RBFOX1: variants seen among roughly 807,000 people sequenced by gnomAD.
RBFOX1 encodes RNA binding fox-1 homolog 1, also known as RNA binding protein fox-1 homolog 1.
In RBFOX1, 8 loss-of-function variants were observed where a neutral mutation model predicts 57.7. The observed-to-expected ratio is 0.14, with a 90% CI of 0.08 to 0.25. The LOEUF (loss-of-function observed/expected upper bound fraction) is 0.25, where lower values mean the gene tolerates loss of function less well. Ranked by LOEUF, RBFOX1 falls within the 10% of genes least tolerant of loss-of-function variation. The pLI, the probability that RBFOX1 is intolerant of heterozygous loss-of-function variation, is 1.00. For missense variants in RBFOX1, 611 were observed against 548.5 expected, an observed-to-expected ratio of 1.11 and a Z score of -1.14; for synonymous variants, 326 against 222.4, an observed-to-expected ratio of 1.47 and a Z score of -4.15.
intron 3 of RBFOX1, among the ~76,000 whole-genome samples, chr16:6,982,993 TAAAAAAAAAAA>T (rs370173635): frequency 6.3e-5 from 5 of 79,360 alleles, no homozygotes; most frequent in East Asian, 3.9e-4. Context: ...AGACTCTGTC[TAAAAAAAAAAA>T]AAAAAAAAAA....
intron 1 of RBFOX1, among the ~76,000 whole-genome samples, chr16:5,282,626 G>A (rs2063299968): frequency 6.6e-6 from 1 of 152,180 alleles, no homozygotes; most frequent in African/African-American, 2.4e-5. Flanking sequence ...GTGGCATTTT[G>A]CCCCTGCTGT....
rs77006837 is a variant in RBFOX1, at chr16:6,800,525, C to G, written c.-16+145875C>G. ...ATAGGCTTCCAGGTGATTCAAAAGC[C>G]GCCCTTCCGTGCACGCTACACTTTA... On this transcript the variant is annotated intron_variant, in intron 3 of 15. Coordinates refer to ENST00000550418, the MANE Select transcript of RBFOX1 (RefSeq NM_018723.4). Among the ~76,000 whole-genome samples, 207 of 152,104 alleles carry G rather than the reference C, an allele frequency of 1.4e-3. 1 individual carries two copies. Among genetic ancestry groups the G allele is most frequent in the African/African-American group, 4.7e-3 (194 of 41,504 alleles).
chr16:7,165,419 C>CATT lies in RBFOX1; in HGVS notation c.27+113337_27+113339dup, dbSNP rs35907316. Among the ~76,000 whole-genome samples, 196 of 48,398 alleles carry CATT rather than the reference C, an allele frequency of 4.0e-3. 9 individuals are homozygous for CATT. In the East Asian group the frequency reaches 0.077, roughly 19 times the overall value. The allele number at this position is 48,398 out of a possible 152,430, so 31.8% of individuals were successfully genotyped here. A position where few individuals can be genotyped will look rare whatever the true frequency, so the allele number is the denominator to read the frequency against. ...TAATAATAATAATAATGATAATAAT[C>CATT]ATTATTATTATTATTATTTTACCAT... is the stretch of plus-strand genomic sequence containing the variant. On this transcript the variant is annotated intron_variant, in intron 4 of 15. Transcript: ENST00000550418.
At chr16:5,551,139 A>C (rs1039412192) in intron 2 of RBFOX1, among the ~76,000 whole-genome samples, 1 of 152,016 alleles carries the variant, frequency 6.6e-6, no homozygotes, top group Non-Finnish European at 1.5e-5. Context: ...TAACCTCTTG[A>C]GAGTTGAGGT....
intron 1 of RBFOX1, among the ~76,000 whole-genome samples, chr16:5,316,158 C>T (rs192051127): frequency 6.6e-6 from 1 of 152,350 alleles, no homozygotes; most frequent in East Asian, 1.9e-4. Flanking sequence ...TCCCACTTTT[C>T]CTCCTTTACC....
chr16:7,142,007 T>C (rs978882944), intron 4 of RBFOX1, among the ~76,000 whole-genome samples: 5 of 126,834 alleles, frequency 3.9e-5, no homozygotes, highest in African/African-American at 1.0e-4. Flanking sequence ...TCTTCCTCCT[T>C]CTTCTTCCTT....
intron 4 of RBFOX1, among the ~76,000 whole-genome samples, chr16:5,914,697 C>A (rs1171564310): frequency 6.6e-6 from 1 of 152,102 alleles, no homozygotes; most frequent in South Asian, 2.1e-4. Flanking sequence ...GAGATTGAGA[C>A]CATCCTGGCT....
intron 1 of RBFOX1, among the ~76,000 whole-genome samples, chr16:6,031,025 A>C (rs1438886596): frequency 1.3e-5 from 2 of 152,216 alleles, no homozygotes; most frequent in African/African-American, 4.8e-5. Flanking sequence ...GTAAAAAGAC[A>C]ATAGAATTAC....
At chr16:6,882,452 G>A (rs1048724597) in intron 3 of RBFOX1, among the ~76,000 whole-genome samples, 1 of 151,934 alleles carries the variant, frequency 6.6e-6, no homozygotes, top group East Asian at 1.9e-4. Context: ...AAATTATCTG[G>A]GCATGGTGGT....
intron 4 of RBFOX1, among the ~76,000 whole-genome samples, chr16:5,962,398 C>T (rs1008797550): frequency 2.0e-5 from 3 of 152,140 alleles, no homozygotes; most frequent in East Asian, 1.9e-4. Context: ...CTCAGGGGAC[C>T]TTCTTTATCT....
chr16:5,831,235 T>C (rs77697625), intron 3 of RBFOX1, among the ~76,000 whole-genome samples: 1,616 of 152,168 alleles, frequency 0.011, 33 homozygotes, highest in African/African-American at 0.036. Context: ...TCCCTCATGA[T>C]TGGCTTAACA....
intron 4 of RBFOX1, among the ~76,000 whole-genome samples, chr16:7,498,244 T>C (rs1169334823): frequency 6.6e-6 from 1 of 152,132 alleles, no homozygotes; most frequent in African/African-American, 2.4e-5. Flanking sequence ...TCACGTTTGG[T>C]GCCAAGGTGG....
intron 1 of RBFOX1, among the ~76,000 whole-genome samples, chr16:6,123,535 G>T (rs1031476855): frequency 1.3e-5 from 2 of 152,226 alleles, no homozygotes; most frequent in Non-Finnish European, 2.9e-5. Context: ...AGTGAATTCA[G>T]AGTCTCAGTA....
At chr16:5,531,059 A>G (rs1597417432) in intron 2 of RBFOX1, among the ~76,000 whole-genome samples, 1 of 149,880 alleles carries the variant, frequency 6.7e-6, no homozygotes, top group African/African-American at 2.4e-5. Flanking sequence ...AGGGAGGTGG[A>G]GCTTGCAGTA....
intron 3 of RBFOX1, among the ~76,000 whole-genome samples, chr16:6,722,206 G>C (rs2066145280): frequency 6.6e-6 from 1 of 152,170 alleles, no homozygotes; most frequent in Non-Finnish European, 1.5e-5. Context: ...CTAGTTTTAA[G>C]TTTTGAAGGA....
chr16:6,390,905 G>A (rs770240361), intron 2 of RBFOX1, among the ~76,000 whole-genome samples: 3 of 152,072 alleles, frequency 2.0e-5, no homozygotes, highest in Non-Finnish European at 4.4e-5. Context: ...AAGTGGAGAC[G>A]GGCTTGTGGG....
intron 4 of RBFOX1, among the ~76,000 whole-genome samples, chr16:7,390,484 A>G (rs1404038293): frequency 6.6e-6 from 1 of 152,214 alleles, no homozygotes; most frequent in Non-Finnish European, 1.5e-5. Flanking sequence ...AAGCCTTGCC[A>G]TATCATCTGT....
intron 3 of RBFOX1, among the ~76,000 whole-genome samples, chr16:6,678,392 G>T (rs535090661): frequency 1.3e-5 from 2 of 152,110 alleles, no homozygotes; most frequent in South Asian, 4.2e-4. Flanking sequence ...CTAAAGTGCT[G>T]GGATTACAGG....
intron 3 of RBFOX1, among the ~76,000 whole-genome samples, chr16:6,897,932 CTG>C (rs2067366625): frequency 6.6e-6 from 1 of 152,192 alleles, no homozygotes; most frequent in African/African-American, 2.4e-5. Context: ...GAGCTACCCT[CTG>C]TGTCTCACCA....
Sources: gnomAD v4.1 joint callset for allele counts (sites outside exome capture counted in the v4.1 genomes callset) on GRCh38, gnomAD v4.1.1 for gene constraint, MANE v1.5 for transcripts, NCBI Gene and HGNC (gene_info 2026-07-23, HGNC 2026-07-21) for gene names.